The following PRRX1 variants were observed in gnomAD, a reference collection of about 807,000 sequenced individuals.
PRRX1 encodes paired mesoderm homeobox protein 1.
Under a neutral mutation model 24.0 loss-of-function variants are expected in PRRX1, and 8 were observed. The observed-to-expected ratio is 0.33, with a 90% CI of 0.20 to 0.60. PRRX1 has a LOEUF of 0.60. Ranked by LOEUF, PRRX1 falls within the 20% of genes least tolerant of loss-of-function variation. The pLI is 0.82. For missense variants in PRRX1, 281 were observed against 322.4 expected (o/e 0.87, Z 0.98); for synonymous variants, 160 against 131.7 (o/e 1.22, Z -1.47).
chr1:170,711,098 T>C (rs991684636), intron 1 of PRRX1, among the ~76,000 whole-genome samples: 1 of 152,220 alleles, frequency 6.6e-6, no homozygotes, highest in African/African-American at 2.4e-5. Context: ...TTAAAGAGAA[T>C]TTTATTTCAT....
chr1:170,691,240 C>G (rs1653934836), intron 1 of PRRX1, among the ~76,000 whole-genome samples: 1 of 151,788 alleles, frequency 6.6e-6, no homozygotes, highest in Admixed American at 6.6e-5. Context: ...ATGTTTGCAA[C>G]CAAAGAGTGG....
chr1:170,736,266 G>T lies in PRRX1; in HGVS notation c.*80G>T. 6.4e-7 allele frequency: 1 copy of T among 1,558,970 alleles called. No homozygotes were observed. Among genetic ancestry groups the T allele is most frequent in the South Asian group, 1.1e-5 (1 of 87,902 alleles). On this transcript the variant is annotated 3_prime_UTR_variant, in exon 4 of 4. Transcript: ENST00000239461. ...ATCCTGCTCTGTTATTTCTTCATCT[G>T]CTGGGGGGAAAAAGTAAATTACAAA...
intron 1 of PRRX1, among the ~76,000 whole-genome samples, chr1:170,712,133 T>G (rs1654771420): frequency 6.6e-6 from 1 of 152,232 alleles, no homozygotes; most frequent in Non-Finnish European, 1.5e-5. Flanking sequence ...CTAGTGAGAC[T>G]ACTTGTTAAA....
In PRRX1 at chr1:170,737,284, G is replaced by T. The variant is rs1473369174; in HGVS notation, c.*1098G>T. ...CTATAGTGATGAAACATTAATTAGGGATCTTGCTGCTTTTCTTTTTCTACA... is the reference window on the plus strand; with the variant it reads ...CTATAGTGATGAAACATTAATTAGGTATCTTGCTGCTTTTCTTTTTCTACA... On this transcript the variant is annotated 3_prime_UTR_variant, in exon 4 of 4. Coordinates refer to ENST00000239461, the MANE Select transcript of PRRX1 (RefSeq NM_022716.4). 5.4e-6 allele frequency: 1 copy of T among 184,738 alleles called. No homozygotes were observed. The highest frequency in any genetic ancestry group is 2.4e-5 in the African/African-American group (1 of 42,478). 11.4% of individuals were successfully genotyped at this position (184,738 alleles called of 1,614,324 possible). A position where few individuals can be genotyped will look rare whatever the true frequency, so the allele number is the denominator to read the frequency against.
chr1:170,707,168 T>C (rs1021697805), intron 1 of PRRX1, among the ~76,000 whole-genome samples: 1 of 151,930 alleles, frequency 6.6e-6, no homozygotes, highest in African/African-American at 2.4e-5. Flanking sequence ...CCTGGATGTC[T>C]CTAGGAAAGA....
At chr1:170,673,906 C>T (rs1036715816) in intron 1 of PRRX1, among the ~76,000 whole-genome samples, 3 of 152,200 alleles carry the variant, frequency 2.0e-5, no homozygotes, top group East Asian at 1.9e-4. Flanking sequence ...CTGTACCACC[C>T]TCCTAGCCTG....
At chr1:170,669,584 T>C (rs1426770492) in intron 1 of PRRX1, among the ~76,000 whole-genome samples, 1 of 152,094 alleles carries the variant, frequency 6.6e-6, no homozygotes, top group Admixed American at 6.5e-5. Flanking sequence ...TCTGATTTTT[T>C]ATTTTAAAAG....
intron 1 of PRRX1, among the ~76,000 whole-genome samples, chr1:170,687,264 A>C (rs1653777019): frequency 6.6e-6 from 1 of 152,176 alleles, no homozygotes; most frequent in Non-Finnish European, 1.5e-5. Flanking sequence ...TTGCACATTT[A>C]CAGTCTGTTG....
chr1:170,685,475 T>C (rs2101894327), intron 1 of PRRX1, among the ~76,000 whole-genome samples: 1 of 152,282 alleles, frequency 6.6e-6, no homozygotes, highest in South Asian at 2.1e-4. Context: ...GATTTGAGAA[T>C]GAAAGTGCTG....
chr1:170,697,759 GATAT>G, intron 1 of PRRX1, among the ~76,000 whole-genome samples: 1 of 144,320 alleles, frequency 6.9e-6, no homozygotes, highest in East Asian at 2.0e-4. Context: ...TACATATATA[GATAT>G]ATAAATATAT....
At chr1:170,683,847 T>G (rs948437519) in intron 1 of PRRX1, among the ~76,000 whole-genome samples, 3 of 152,304 alleles carry the variant, frequency 2.0e-5, no homozygotes, top group Non-Finnish European at 4.4e-5. Context: ...CTTTTTAGTG[T>G]GTATGCATTA....
chr1:170,671,258 G>A (rs188526193), intron 1 of PRRX1, among the ~76,000 whole-genome samples: 1 of 152,232 alleles, frequency 6.6e-6, no homozygotes, highest in Non-Finnish European at 1.5e-5. Flanking sequence ...GGAACAGGGG[G>A]CTCTTTTTGG....
chr1:170,739,070 A>T lies in PRRX1; in HGVS notation c.*2884A>T, dbSNP rs912913230. On this transcript the variant is annotated 3_prime_UTR_variant, in exon 4 of 4. Coordinates refer to ENST00000239461, the MANE Select transcript of PRRX1 (RefSeq NM_022716.4). ...TGGAAAAGATGCCTTCTGGATCTTA[A>T]GCCAGTTGTCAGTGGAGGTCCTCAG... is the stretch of plus-strand genomic sequence containing the variant. The T allele has an allele frequency of 4.6e-6, 1 of 217,042 alleles. No homozygotes were observed. The highest frequency in any genetic ancestry group is 1.9e-4 in the South Asian group (1 of 5,390). 13.4% of individuals were successfully genotyped at this position (217,042 alleles called of 1,614,324 possible). A position where few individuals can be genotyped will look rare whatever the true frequency, so the allele number is the denominator to read the frequency against.
intron 1 of PRRX1, among the ~76,000 whole-genome samples, chr1:170,697,611 T>G (rs1219330393): frequency 2.0e-5 from 3 of 150,422 alleles, no homozygotes; most frequent in Non-Finnish European, 4.4e-5. Flanking sequence ...ATACACCATA[T>G]TTGCAGCTGG....
In PRRX1 at chr1:170,684,972, T is replaced by C. The variant is rs1353662654; in HGVS notation, c.241+20513T>C. 2.0e-5 allele frequency among the ~76,000 whole-genome samples: 3 copies of C among 152,220 alleles called. No individual in the cohort carries two copies. The East Asian group carries it at 5.8e-4, about 29-fold the overall frequency. Reference sequence around the variant, plus strand: ...ATTAGGTAGACCATGCAGAGAAGTTTAGTACTTGAAAAGAAAAACTAGACT... The same window carrying C: ...ATTAGGTAGACCATGCAGAGAAGTTCAGTACTTGAAAAGAAAAACTAGACT... On this transcript the variant is annotated intron_variant, in intron 1 of 3. Transcript: ENST00000239461.
rs181423717 is a variant in PRRX1, at chr1:170,709,470, T to G, written c.242-10256T>G. 5.3e-5 allele frequency among the ~76,000 whole-genome samples: 8 copies of G among 152,332 alleles called. No homozygotes were observed. The East Asian group carries it at 1.3e-3, about 26-fold the overall frequency. ...AGAAAAGGATGCTAAGCTTCAGGTATGACAAAGAGAGGCCCATGCAGTGTT... is the reference window on the plus strand; with the variant it reads ...AGAAAAGGATGCTAAGCTTCAGGTAGGACAAAGAGAGGCCCATGCAGTGTT... On this transcript the variant is annotated intron_variant, in intron 1 of 3. Transcript: ENST00000239461.
intron 1 of PRRX1, among the ~76,000 whole-genome samples, chr1:170,672,594 T>A (rs1437414144): frequency 6.6e-6 from 1 of 152,206 alleles, no homozygotes; most frequent in Non-Finnish European, 1.5e-5. Flanking sequence ...GTCCTCTAAA[T>A]ATAATCGGGG....
chr1:170,719,719 A>G lies in PRRX1; in HGVS notation c.242-7A>G, dbSNP rs756649459. ...TGGCTTCTTTTCATCATTGTGTTCT[A>G]TTCCAGATGACCAGCTGAACTCAGA... On this transcript the variant is annotated splice_polypyrimidine_tract_variant and splice_region_variant and intron_variant, in intron 1 of 3. Transcript: ENST00000239461. 8.1e-6 allele frequency: 13 copies of G among 1,613,888 alleles called. No homozygotes were observed. Among genetic ancestry groups the G allele is most frequent in the African/African-American group, 1.3e-5 (1 of 74,944 alleles).
intron 1 of PRRX1, among the ~76,000 whole-genome samples, chr1:170,707,947 T>C (rs73036614): frequency 0.031 from 4,651 of 152,314 alleles, 239 homozygotes; most frequent in African/African-American, 0.11. Context: ...TGGAAACAGA[T>C]GCCAAGGAAG....
Sources: allele counts gnomAD v4.1 joint callset (sites outside exome capture counted in the v4.1 genomes callset), GRCh38; gene constraint gnomAD v4.1.1; transcripts MANE v1.5; gene names NCBI Gene and HGNC (gene_info 2026-07-23, HGNC 2026-07-21).